KSR2: variants seen among roughly 807,000 people sequenced by gnomAD.
The protein encoded by KSR2 is kinase suppressor of ras 2.
In KSR2, 25 loss-of-function variants were observed where a neutral mutation model predicts 107.8. The observed-to-expected ratio is 0.23, with a 90% CI of 0.17 to 0.32. KSR2 has a LOEUF of 0.32. Ranked by LOEUF, KSR2 falls within the 10% of genes least tolerant of loss-of-function variation. The probability of loss-of-function intolerance (pLI) is 1.00; values close to 1 mark genes in which losing one functional copy is unlikely to be tolerated. For missense variants in KSR2, 887 were observed against 1,268.9 expected (o/e 0.70, Z 4.57); for synonymous variants, 480 against 507.0 (o/e 0.95, Z 0.71).
intron 1 of KSR2, among the ~76,000 whole-genome samples, chr12:117,882,776 T>C (rs753660427): frequency 6.6e-6 from 1 of 151,436 alleles, no homozygotes; most frequent in Non-Finnish European, 1.5e-5. Flanking sequence ...CATCCATCCA[T>C]CTGTTCATTT....
chr12:117,929,695 T>G (rs922577049), intron 1 of KSR2, among the ~76,000 whole-genome samples: 1 of 152,226 alleles, frequency 6.6e-6, no homozygotes, highest in African/African-American at 2.4e-5. Flanking sequence ...AATGAAGTAG[T>G]GATATGTGCT....
At chr12:117,964,262 A>G (rs1896734676) in intron 1 of KSR2, among the ~76,000 whole-genome samples, 1 of 152,036 alleles carries the variant, frequency 6.6e-6, no homozygotes, top group Non-Finnish European at 1.5e-5. Flanking sequence ...CAAGAGCGAG[A>G]CTCCGTTCTA....
intron 1 of KSR2, among the ~76,000 whole-genome samples, chr12:117,910,558 T>A (rs1248496446): frequency 6.6e-6 from 1 of 152,208 alleles, no homozygotes; most frequent in East Asian, 1.9e-4. Flanking sequence ...GTCATGGCAC[T>A]ATTTTTTATT....
At chr12:117,778,198 C>T (rs1889761939) in intron 3 of KSR2, among the ~76,000 whole-genome samples, 1 of 152,136 alleles carries the variant, frequency 6.6e-6, no homozygotes, top group African/African-American at 2.4e-5. Context: ...CACCTCCTGG[C>T]TCATGCCTTA....
At chr12:117,788,508 C>T (rs1449026094) in intron 3 of KSR2, among the ~76,000 whole-genome samples, 1 of 152,060 alleles carries the variant, frequency 6.6e-6, no homozygotes, top group Non-Finnish European at 1.5e-5. Context: ...TTGTACAGAA[C>T]ACTTTTTTTT....
Position 117,498,832 on chromosome 12 carries a change from C to T in KSR2, c.2220-13141G>A, listed in dbSNP as rs548683755. On this transcript the variant is annotated intron_variant, in intron 14 of 19. Coordinates refer to ENST00000339824, the MANE Select transcript of KSR2 (RefSeq NM_173598.6). ...TTGTCTGCCGCCATGTGAGATGTGT[C>T]TTTCACCTTCTGCCATGATTGTGAG... Among the ~76,000 whole-genome samples, 104 of 152,320 alleles carry T rather than the reference C, an allele frequency of 6.8e-4. 1 individual carries two copies. Among genetic ancestry groups the T allele is most frequent in the South Asian group, 1.7e-3 (8 of 4,818 alleles).
intron 3 of KSR2, among the ~76,000 whole-genome samples, chr12:117,788,773 A>G (rs529271673): frequency 1.3e-5 from 2 of 152,296 alleles, no homozygotes; most frequent in Admixed American, 1.3e-4. Context: ...TTGGCCTCCC[A>G]AAGTGCTGGG....
chr12:117,862,611 C>T (rs1893338302), intron 1 of KSR2, among the ~76,000 whole-genome samples: 1 of 152,164 alleles, frequency 6.6e-6, no homozygotes, highest in Non-Finnish European at 1.5e-5. Context: ...TACCACTGCA[C>T]TCAATGCTAA....
At chr12:117,784,025 G>A (rs1243940617) in intron 3 of KSR2, among the ~76,000 whole-genome samples, 1 of 152,148 alleles carries the variant, frequency 6.6e-6, no homozygotes, top group African/African-American at 2.4e-5. Context: ...GAGTACATGA[G>A]AATTTTTTTT....
intron 3 of KSR2, among the ~76,000 whole-genome samples, chr12:117,809,627 T>C (rs139247538): frequency 1.3e-5 from 2 of 152,188 alleles, no homozygotes; most frequent in Admixed American, 1.3e-4. Flanking sequence ...TGGTTGTCCA[T>C]AGAAAGTGCC....
Position 117,755,289 on chromosome 12 carries a change from T to C in KSR2, c.986+5722A>G, listed in dbSNP as rs138790442. Among the ~76,000 whole-genome samples, 67 of 152,338 alleles carry C rather than the reference T, an allele frequency of 4.4e-4. No individual in the cohort carries two copies. In the East Asian group the frequency reaches 0.011, roughly 25 times the overall value. ...ACTGCACTTTGCAGACATCACATTT[T>C]TTTACAAATTGAAGGTTTGTGGCAA... On this transcript the variant is annotated intron_variant, in intron 4 of 19. Coordinates refer to ENST00000339824, the MANE Select transcript of KSR2 (RefSeq NM_173598.6).
At chr12:117,533,084 G>A (rs181402081) in intron 10 of KSR2, among the ~76,000 whole-genome samples, 1 of 152,124 alleles carries the variant, frequency 6.6e-6, no homozygotes, top group Non-Finnish European at 1.5e-5. Flanking sequence ...AAAGGGCAAG[G>A]ACCATCATTA....
At chr12:117,544,444 C>T (rs1344679320) in intron 9 of KSR2, among the ~76,000 whole-genome samples, 1 of 151,800 alleles carries the variant, frequency 6.6e-6, no homozygotes, top group East Asian at 1.9e-4. Context: ...ATAGTGAAAC[C>T]CCATCTCTAC....
At position 117,789,332 on chromosome 12, in the gene KSR2, C is replaced by T. The variant is rs113076022; in HGVS notation, c.473-27808G>A. 8.5e-3 allele frequency among the ~76,000 whole-genome samples: 1,299 copies of T among 152,266 alleles called. 25 individuals are homozygous for T. The highest frequency in any genetic ancestry group is 0.03 in the African/African-American group (1,228 of 41,544). Reference sequence around the variant, plus strand: ...TTGTGACCAGAGAAGACCCAGGTGGCGTTATTAGGGGAGGCTGCATGGAGC... The same window carrying T: ...TTGTGACCAGAGAAGACCCAGGTGGTGTTATTAGGGGAGGCTGCATGGAGC... On this transcript the variant is annotated intron_variant, in intron 3 of 19. Transcript: ENST00000339824.
At chr12:117,724,312 CAAAA>C (rs57095721) in intron 4 of KSR2, among the ~76,000 whole-genome samples, 8 of 111,924 alleles carry the variant, frequency 7.1e-5, no homozygotes, top group African/African-American at 6.8e-5. Flanking sequence ...CACCCTGTCT[CAAAA>C]AAAAAAAAAA....
intron 5 of KSR2, among the ~76,000 whole-genome samples, chr12:117,629,699 A>G (rs1882717152): frequency 6.6e-6 from 1 of 152,228 alleles, no homozygotes; most frequent in Admixed American, 6.5e-5. Flanking sequence ...ATAGGACACT[A>G]GTTACTATAG....
chr12:117,587,890 C>T (rs1880103415), intron 5 of KSR2, among the ~76,000 whole-genome samples: 1 of 152,122 alleles, frequency 6.6e-6, no homozygotes, highest in Non-Finnish European at 1.5e-5. Flanking sequence ...GGGAAAATAG[C>T]CTGCCAGGCT....
Position 117,576,504 on chromosome 12 carries a change from A to T in KSR2, c.1325+2615T>A, listed in dbSNP as rs77741480. Among the ~76,000 whole-genome samples the T allele has an allele frequency of 3.3e-3, 485 of 149,162 alleles. 9 individuals carry two copies. Among genetic ancestry groups the T allele is most frequent in the East Asian group, 0.026 (135 of 5,120 alleles). On this transcript the variant is annotated intron_variant, in intron 7 of 19. Coordinates refer to ENST00000339824, the MANE Select transcript of KSR2 (RefSeq NM_173598.6). ...TGCTCCTGCTTCTCCTTAAAAAAAA[A>T]TTTTTTTTTTTGAGACAGGGTCTTG...
intron 1 of KSR2, among the ~76,000 whole-genome samples, chr12:117,893,767 G>T (rs1262162248): frequency 6.6e-6 from 1 of 152,136 alleles, no homozygotes; most frequent in African/African-American, 2.4e-5. Context: ...CCAAGAATAC[G>T]GTAAGGAGAG....
Sources: gnomAD v4.1 joint callset for allele counts (sites outside exome capture counted in the v4.1 genomes callset) on GRCh38, gnomAD v4.1.1 for gene constraint, MANE v1.5 for transcripts, NCBI Gene and HGNC (gene_info 2026-07-23, HGNC 2026-07-21) for gene names.